Variants in ALMS1 observed in about 807,000 individuals in gnomAD.
ALMS1 encodes the protein ALMS1 centrosome and basal body associated protein.
In ALMS1, 271 loss-of-function variants were observed where a neutral mutation model predicts 352.2. The observed-to-expected ratio is 0.77, with a 90% CI of 0.70 to 0.85. The LOEUF is 0.85. ALMS1 is among the 40% of genes least tolerant of loss of function. The pLI is 0.00. For synonymous variants in ALMS1, 1,865 were observed against 1,761.2 expected (o/e 1.06, Z -1.48); for missense variants, 5,445 against 4,870.7 (o/e 1.12, Z -3.51).
chr2:73,534,203 A>G (rs529418713), intron 11 of ALMS1, among the ~76,000 whole-genome samples: 1 of 152,310 alleles, frequency 6.6e-6, no homozygotes, highest in South Asian at 2.1e-4. Flanking sequence ...TAAGTTATAC[A>G]TTAAAATGTT....
intron 16 of ALMS1, among the ~76,000 whole-genome samples, chr2:73,593,218 C>T (rs1253168072): frequency 1.3e-5 from 2 of 151,920 alleles, no homozygotes; most frequent in Non-Finnish European, 2.9e-5. Flanking sequence ...AGTTCCATCC[C>T]ATGATGGGTC....
In ALMS1 at chr2:73,557,305, T is replaced by G. The variant is rs1402288320; in HGVS notation, c.10164T>G (p.Thr3388=). ...AGATTCACAGTACAAGGGCAGTGAC[T>G]GAGGCTGCCCAGGCTAAAGAAAAAG... ...QQEIHSTRAV[T]EAAQAKEKES... is the part of the protein sequence containing the mutation. The change falls in exon 14 of 23, where the codon ACT becomes ACG. Residue 3388 remains threonine, a synonymous_variant. Transcript: ENST00000613296. The G allele has an allele frequency of 6.2e-7, 1 of 1,614,042 alleles. No homozygotes were observed. The highest frequency in any genetic ancestry group is 8.5e-7 in the Non-Finnish European group (1 of 1,180,012).
chr2:73,544,869 G>A (rs1455510240), intron 12 of ALMS1, among the ~76,000 whole-genome samples: 1 of 152,186 alleles, frequency 6.6e-6, no homozygotes, highest in Non-Finnish European at 1.5e-5. Context: ...GTATTATTCA[G>A]CCTTAAAGAG....
intron 15 of ALMS1, among the ~76,000 whole-genome samples, chr2:73,570,905 A>G (rs1674913351): frequency 6.6e-6 from 1 of 152,142 alleles, no homozygotes; most frequent in Admixed American, 6.5e-5. Flanking sequence ...TTTACTTCAC[A>G]TCTCATCCTC....
intron 16 of ALMS1, among the ~76,000 whole-genome samples, chr2:73,581,659 G>T (rs192598016): frequency 1.3e-5 from 2 of 152,230 alleles, no homozygotes; most frequent in East Asian, 3.9e-4. Context: ...TCCCTTGGAG[G>T]TCTCTACTCT....
chr2:73,572,663 G>C lies in ALMS1; in HGVS notation c.10786G>C (p.Val3596Leu), dbSNP rs1674962318. The change falls in exon 16 of 23, where the codon GTG becomes CTG. Residue 3596 changes from valine (V) to leucine (L), a missense_variant. Physicochemically the swap from Val to Leu is conservative, Grantham distance 32. Transcript: ENST00000613296. ...CCCAGAGCAAACAACTCAGCACACTGTGAGTTTGAATGAACTGTGGAACAA... is the reference window on the plus strand; with the variant it reads ...CCCAGAGCAAACAACTCAGCACACTCTGAGTTTGAATGAACTGTGGAACAA... ...VTPEQTTQHT[V>L]SLNELWNKYR... 1 of 1,613,970 alleles carries C rather than the reference G, an allele frequency of 6.2e-7. No homozygotes were observed. The highest frequency in any genetic ancestry group is 8.5e-7 in the Non-Finnish European group (1 of 1,179,998).
chr2:73,397,707 A>T (rs573305787), intron 1 of ALMS1, among the ~76,000 whole-genome samples: 14 of 152,108 alleles, frequency 9.2e-5, no homozygotes, highest in Non-Finnish European at 2.1e-4. Context: ...ACTTCAGGTG[A>T]TCCACCTGCC....
intron 12 of ALMS1, among the ~76,000 whole-genome samples, chr2:73,539,140 G>C (rs1279286833): frequency 6.6e-6 from 1 of 152,168 alleles, no homozygotes; most frequent in Non-Finnish European, 1.5e-5. Flanking sequence ...CCCCCAGGAG[G>C]GGCAGACTGA....
At chr2:73,571,805 A>T (rs1011477332) in intron 15 of ALMS1, among the ~76,000 whole-genome samples, 3 of 152,168 alleles carry the variant, frequency 2.0e-5, no homozygotes, top group South Asian at 2.1e-4. Context: ...AGGGTTTTTT[A>T]AAAAATTTAT....
intron 9 of ALMS1, among the ~76,000 whole-genome samples, chr2:73,488,645 G>A (rs1672907677): frequency 6.6e-6 from 1 of 152,158 alleles, no homozygotes; most frequent in South Asian, 2.1e-4. Context: ...CACTGCAGCT[G>A]GCATCATTGC....
At chr2:73,598,489 A>G (rs1675599705) in intron 16 of ALMS1, among the ~76,000 whole-genome samples, 1 of 152,162 alleles carries the variant, frequency 6.6e-6, no homozygotes, top group African/African-American at 2.4e-5. Flanking sequence ...TCTAACATAG[A>G]TCTTCCTCCC....
intron 2 of ALMS1, among the ~76,000 whole-genome samples, chr2:73,418,610 G>T (rs1671225534): frequency 6.6e-6 from 1 of 152,202 alleles, no homozygotes; most frequent in Non-Finnish European, 1.5e-5. Context: ...CTGCTGACTG[G>T]AGTATCTTCA....
At chr2:73,396,646 C>CT (rs60309974) in intron 1 of ALMS1, among the ~76,000 whole-genome samples, 3,850 of 104,662 alleles carry the variant, frequency 0.037, 155 homozygotes, top group Admixed American at 0.1. Flanking sequence ...ATTGTCCATT[C>CT]TTTTTTTTTT....
intron 10 of ALMS1, among the ~76,000 whole-genome samples, chr2:73,501,662 T>G (rs995795577): frequency 9.9e-5 from 15 of 152,256 alleles, no homozygotes; most frequent in South Asian, 8.3e-4. Flanking sequence ...TTATTTATCT[T>G]TACACCAGTA....
intron 5 of ALMS1, among the ~76,000 whole-genome samples, chr2:73,425,865 A>C (rs1348291374): frequency 1.3e-5 from 2 of 152,138 alleles, no homozygotes; most frequent in Non-Finnish European, 2.9e-5. Flanking sequence ...CAAATTTAAA[A>C]TTACCCCCTA....
At chr2:73,557,446 A>C in intron 14 of ALMS1, 92 bp downstream of exon 14, 1 of 1,534,332 alleles carries the variant, frequency 6.5e-7, no homozygotes, top group Non-Finnish European at 9.0e-7. Flanking sequence ...TATATTCTCT[A>C]TTTTCTTCTT....
intron 9 of ALMS1, among the ~76,000 whole-genome samples, chr2:73,478,236 T>C (rs1430206059): frequency 1.3e-5 from 2 of 152,158 alleles, no homozygotes; most frequent in East Asian, 3.8e-4. Flanking sequence ...TCTAATGACA[T>C]GTGGTTGGTT....
intron 9 of ALMS1, among the ~76,000 whole-genome samples, chr2:73,474,072 AAT>A (rs1672527631): frequency 6.6e-6 from 1 of 152,122 alleles, no homozygotes; most frequent in Non-Finnish European, 1.5e-5. Context: ...CAAATTGTTA[AAT>A]ATTTAGCATA....
At chr2:73,482,506 C>T (rs2103869379) in intron 9 of ALMS1, among the ~76,000 whole-genome samples, 1 of 151,764 alleles carries the variant, frequency 6.6e-6, no homozygotes, top group Admixed American at 6.6e-5. Context: ...ATTTTTGCAT[C>T]AATGTTCATC....
Sources: gnomAD v4.1 joint callset for allele counts (sites outside exome capture counted in the v4.1 genomes callset) on GRCh38, gnomAD v4.1.1 for gene constraint, MANE v1.5 for transcripts, NCBI Gene and HGNC (gene_info 2026-07-23, HGNC 2026-07-21) for gene names.